DNAH9: variants seen among roughly 807,000 people sequenced by gnomAD.
DNAH9 encodes the protein DNAH9 variant protein.
Under a neutral mutation model 471.6 loss-of-function variants are expected in DNAH9, and 345 were observed. The ratio of observed to expected loss-of-function variants is 0.73; its 90% CI spans 0.67 to 0.80. The LOEUF is 0.80. Among genes scored for constraint, DNAH9 ranks in the 30% least tolerant of loss-of-function variants. DNAH9 has a pLI of 0.00. For synonymous variants in DNAH9, 2,093 were observed against 2,123.6 expected (o/e 0.99, Z 0.40); for missense variants, 5,407 against 5,609.2 (o/e 0.96, Z 1.15).
In DNAH9 at chr17:11,690,103, T is replaced by A; in HGVS notation, c.4281T>A (p.Ala1427=). Residue 1427 remains alanine (A), a synonymous_variant, in exon 20 of 69, where the codon GCT becomes GCA. Coordinates refer to ENST00000262442, the MANE Select transcript of DNAH9 (RefSeq NM_001372.4). ...EDEVRGIVDK[A]AKEMGMEKTL... is the part of the protein sequence containing the mutation. Reference sequence around the variant, plus strand: ...AGGTCCGGGGCATTGTGGACAAAGCTGCAAAAGAGATGGGTATGGAGAAAA... The same window carrying A: ...AGGTCCGGGGCATTGTGGACAAAGCAGCAAAAGAGATGGGTATGGAGAAAA... The A allele has an allele frequency of 6.2e-7, 1 of 1,614,164 alleles. No individual in the cohort carries two copies.
At chr17:11,817,061 A>T (rs977203560) in intron 45 of DNAH9, among the ~76,000 whole-genome samples, 23 of 151,642 alleles carry the variant, frequency 1.5e-4, no homozygotes, top group African/African-American at 3.2e-4. Flanking sequence ...GTCTCAAAAA[A>T]AAAAATAATA....
chr17:11,652,765 T>G lies in DNAH9; in HGVS notation c.2358T>G (p.Ile786Met). The G allele has an allele frequency of 6.2e-7, 1 of 1,612,930 alleles. No homozygotes were observed. Among genetic ancestry groups the G allele is most frequent in the Non-Finnish European group, 8.5e-7 (1 of 1,179,512 alleles). ...EETLNWKTEG[I>M]CDYVTEITSS... ...TATGTTTCTTTTGGGGAACAGGCAT[T>G]TGCGATTATGTCACTGAAATCACCA... The change falls in exon 14 of 69, where the codon ATT becomes ATG. Residue 786 changes from isoleucine to methionine, a missense_variant. Ile to Met is a conservative substitution (Grantham distance 10, BLOSUM62 1). Around this residue, in one of 3 missense-constraint regions of DNAH9, gnomAD observed 4,636 missense variants for 4,900.3 expected, o/e 0.95. Transcript: ENST00000262442.
At chr17:11,891,450 C>A (rs1305845746) in intron 57 of DNAH9, among the ~76,000 whole-genome samples, 2 of 152,196 alleles carry the variant, frequency 1.3e-5, no homozygotes, top group Non-Finnish European at 2.9e-5. Flanking sequence ...ACTGCAAACT[C>A]TGCCTCCCAG....
chr17:11,681,360 C>G (rs980190821), intron 19 of DNAH9, among the ~76,000 whole-genome samples: 1 of 152,166 alleles, frequency 6.6e-6, no homozygotes, highest in Admixed American at 6.5e-5. Flanking sequence ...CAACACCTCC[C>G]TGCTTGTTAT....
At chr17:11,635,622 G>T (rs1165808194) in intron 8 of DNAH9, among the ~76,000 whole-genome samples, 3 of 152,142 alleles carry the variant, frequency 2.0e-5, no homozygotes, top group Non-Finnish European at 2.9e-5. Flanking sequence ...ATCATGGAAG[G>T]CACGTTTAGA....
In DNAH9 at chr17:11,713,278, C is replaced by T. The variant is rs377330436; in HGVS notation, c.5553-6056C>T. 1.2e-3 allele frequency among the ~76,000 whole-genome samples: 175 copies of T among 151,836 alleles called. 5 individuals carry two copies. In the South Asian group the frequency reaches 0.029, roughly 26 times the overall value. On this transcript the variant is annotated intron_variant, in intron 26 of 68. Transcript: ENST00000262442. ...ATAGTATTCGGCGGTGTATACGTAC[C>T]GTATTTTCTTTATCAAATCTGTCAT...
intron 38 of DNAH9, 31 bp downstream of exon 38, chr17:11,769,360 G>A (rs1306629688): frequency 2.5e-6 from 4 of 1,571,068 alleles, no homozygotes. Context: ...GGGGTGGGGG[G>A]CATCTGGGTG....
At chr17:11,728,309 C>A (rs773511103) in intron 28 of DNAH9, among the ~76,000 whole-genome samples, 45 of 152,264 alleles carry the variant, frequency 3.0e-4, no homozygotes, top group Non-Finnish European at 5.7e-4. Context: ...CTATTGGAAT[C>A]TTTGGGAAAG....
At chr17:11,954,853 A>G (rs1975560103) in intron 67 of DNAH9, among the ~76,000 whole-genome samples, 1 of 152,118 alleles carries the variant, frequency 6.6e-6, no homozygotes, top group Admixed American at 6.6e-5. Flanking sequence ...CTAAACAAAG[A>G]AATAATGGTC....
At chr17:11,945,069 G>A (rs113257139) in intron 67 of DNAH9, among the ~76,000 whole-genome samples, 7 of 152,274 alleles carry the variant, frequency 4.6e-5, no homozygotes, top group East Asian at 1.9e-4. Flanking sequence ...AGTGAGAGGC[G>A]GAGGGCCTAA....
At chr17:11,783,831 C>T in intron 40 of DNAH9, 83 bp downstream of exon 40, 1 of 1,165,332 alleles carries the variant, frequency 8.6e-7, no homozygotes. Context: ...AATAATTGGC[C>T]TTTTTCCCCA....
At chr17:11,847,834 T>C (rs1971280283) in intron 49 of DNAH9, among the ~76,000 whole-genome samples, 1 of 152,162 alleles carries the variant, frequency 6.6e-6, no homozygotes, top group Admixed American at 6.5e-5. Flanking sequence ...TAGGTTTTTG[T>C]GACCTTTGGC....
intron 37 of DNAH9, 53 bp downstream of exon 37, chr17:11,768,679 G>A (rs925074188): frequency 1.5e-5 from 24 of 1,586,992 alleles, no homozygotes; most frequent in Non-Finnish European, 1.8e-5. Flanking sequence ...TCAAGGATCT[G>A]CAGTGGCTCC....
intron 61 of DNAH9, among the ~76,000 whole-genome samples, chr17:11,918,260 C>T (rs924053176): frequency 6.7e-6 from 1 of 149,574 alleles, no homozygotes; most frequent in Non-Finnish European, 1.5e-5. Flanking sequence ...GAGACAGGCT[C>T]TCACTGTGTT....
At chr17:11,635,803 A>T (rs2150678645) in intron 8 of DNAH9, among the ~76,000 whole-genome samples, 1 of 152,324 alleles carries the variant, frequency 6.6e-6, no homozygotes, top group South Asian at 2.1e-4. Context: ...GTCTGAATGC[A>T]CAGGAACACA....
rs2074660976 is a variant in DNAH9 at position 11,704,411 on chromosome 17, G to A, written c.5360G>A (p.Arg1787Gln). The change falls in exon 25 of 69, where the codon CGG becomes CAG. Residue 1787 changes from arginine to glutamine, a missense_variant. By Grantham distance (43) the Arg-to-Gln change is conservative. Around this residue, in one of 3 missense-constraint regions of DNAH9, gnomAD observed 4,636 missense variants for 4,900.3 expected, o/e 0.95. Coordinates refer to ENST00000262442, the MANE Select transcript of DNAH9 (RefSeq NM_001372.4). Reference protein sequence around the residue: ...MTICTIDVHARDVVAKMIAQK... With the variant: ...MTICTIDVHAQDVVAKMIAQK... Reference sequence around the variant, plus strand: ...ATATGCACCATCGATGTGCATGCCCGGGATGTGGTAGCCAAGATGATTGCT... The same window carrying A: ...ATATGCACCATCGATGTGCATGCCCAGGATGTGGTAGCCAAGATGATTGCT... The A allele has an allele frequency of 3.7e-6, 6 of 1,613,504 alleles. No homozygotes were observed. The African/African-American group carries it at 4.0e-5, about 11-fold the overall frequency.
At chr17:11,918,114 G>C (rs1974013332) in intron 61 of DNAH9, among the ~76,000 whole-genome samples, 1 of 152,250 alleles carries the variant, frequency 6.6e-6, no homozygotes, top group East Asian at 1.9e-4. Flanking sequence ...TCCATTCAGT[G>C]TCTTTGCAGC....
chr17:11,854,457 C>CT, intron 50 of DNAH9, 29 bp downstream of exon 50: 2 of 1,582,730 alleles, frequency 1.3e-6, no homozygotes, highest in Non-Finnish European at 1.7e-6. Context: ...CCTCACCCTG[C>CT]TAGTCCGCCT....
intron 63 of DNAH9, 145 bp from the exon 64 acceptor site, chr17:11,931,869 C>G: frequency 1.2e-6 from 1 of 858,874 alleles, no homozygotes; most frequent in Non-Finnish European, 1.9e-6. Context: ...ACGTTCCCCC[C>G]AGGCTGTAGT....
Sources: gnomAD v4.1 joint callset for allele counts (sites outside exome capture counted in the v4.1 genomes callset) on GRCh38, gnomAD v4.1.1 for gene constraint, gnomAD v4.1.1 regional missense constraint, MANE v1.5 for transcripts, NCBI Gene and HGNC (gene_info 2026-07-23, HGNC 2026-07-21) for gene names.